The following PCSK5 variants were observed in gnomAD, a reference collection of about 807,000 sequenced individuals.
The protein encoded by PCSK5 is proprotein convertase subtilisin/kexin type 5, also known as prohormone convertase 5.
Under a neutral mutation model 233.2 loss-of-function variants are expected in PCSK5, and 129 were observed. That is an observed-to-expected ratio of 0.55 (90% CI 0.48 to 0.64). The LOEUF (loss-of-function observed/expected upper bound fraction) is 0.64. Among genes scored for constraint, PCSK5 ranks in the 30% least tolerant of loss-of-function variants. The probability of loss-of-function intolerance (pLI) is 0.00; values close to 1 mark genes in which losing one functional copy is unlikely to be tolerated. For missense variants in PCSK5, 2,076 were observed against 2,430.1 expected, an observed-to-expected ratio of 0.85 and a Z score of 3.06; for synonymous variants, 825 against 879.2, an observed-to-expected ratio of 0.94 and a Z score of 1.09.
chr9:75,911,154 A>C (rs913566380), intron 1 of PCSK5, among the ~76,000 whole-genome samples: 3 of 151,720 alleles, frequency 2.0e-5, no homozygotes, highest in Admixed American at 2.0e-4. Context: ...GCATCATGAA[A>C]CAAGAACTAT....
At chr9:75,969,374 A>C (rs1825724985) in intron 2 of PCSK5, among the ~76,000 whole-genome samples, 1 of 152,116 alleles carries the variant, frequency 6.6e-6, no homozygotes, top group African/African-American at 2.4e-5. Context: ...GAGAGTAGAG[A>C]GGAGGGGGCC....
intron 2 of PCSK5, among the ~76,000 whole-genome samples, chr9:75,963,351 T>G (rs1018552265): frequency 1.3e-5 from 2 of 152,228 alleles, no homozygotes; most frequent in Admixed American, 6.5e-5. Flanking sequence ...TAACAATTTA[T>G]GGTGAAAATC....
Position 76,359,026 on chromosome 9 carries a change from T to A in PCSK5, c.*104T>A. ...CACCAGGCTGATGTGTGAGTTTTTC[T>A]ATTTGTCTTCTTTAACCATGAGTCC... On this transcript the variant is annotated 3_prime_UTR_variant, in exon 38 of 38. Coordinates refer to ENST00000674117, the MANE Select transcript of PCSK5 (RefSeq NM_001372043.1). 1 of 893,048 alleles carries A rather than the reference T, an allele frequency of 1.1e-6. No individual in the cohort carries two copies. Among genetic ancestry groups the A allele is most frequent in the South Asian group, 1.6e-5 (1 of 61,342 alleles). The allele number at this position is 893,048 out of a possible 1,614,324, so 55.3% of individuals were successfully genotyped here.
At chr9:76,313,137 C>G (rs1350348696) in intron 30 of PCSK5, among the ~76,000 whole-genome samples, 1 of 152,142 alleles carries the variant, frequency 6.6e-6, no homozygotes, top group Non-Finnish European at 1.5e-5. Flanking sequence ...AAAAGAATAG[C>G]AGGCTCAATT....
chr9:76,203,337 C>T (rs1033837713), intron 20 of PCSK5, among the ~76,000 whole-genome samples: 3 of 152,046 alleles, frequency 2.0e-5, no homozygotes, highest in Non-Finnish European at 2.9e-5. Flanking sequence ...CTTGCATTCT[C>T]ATTCCCTGGG....
At chr9:76,152,161 T>G (rs1254270203) in intron 10 of PCSK5, among the ~76,000 whole-genome samples, 1 of 152,224 alleles carries the variant, frequency 6.6e-6, no homozygotes, top group East Asian at 1.9e-4. Flanking sequence ...GAGAGTACTC[T>G]CTCTCTCTCC....
At chr9:76,035,620 A>T (rs1419536044) in intron 5 of PCSK5, among the ~76,000 whole-genome samples, 2 of 123,424 alleles carry the variant, frequency 1.6e-5, no homozygotes, top group East Asian at 4.7e-4. Context: ...TAAGAAACAG[A>T]CTCACAAATT....
At chr9:76,170,159 G>A (rs941130744) in intron 13 of PCSK5, among the ~76,000 whole-genome samples, 8 of 152,066 alleles carry the variant, frequency 5.3e-5, no homozygotes, top group African/African-American at 1.7e-4. Context: ...CCTGTCCACC[G>A]GCACTGAGTT....
chr9:75,940,686 C>T (rs2131300285), intron 2 of PCSK5, among the ~76,000 whole-genome samples: 1 of 152,312 alleles, frequency 6.6e-6, no homozygotes, highest in East Asian at 1.9e-4. Flanking sequence ...AGGAGCACTT[C>T]CCTGTACATA....
chr9:76,289,870 C>T (rs1055182877), intron 24 of PCSK5, among the ~76,000 whole-genome samples: 1 of 152,154 alleles, frequency 6.6e-6, no homozygotes, highest in Admixed American at 6.5e-5. Context: ...TGTAAAGGTA[C>T]CAAATTCACT....
chr9:76,104,406 G>A (rs1008420109), intron 8 of PCSK5, among the ~76,000 whole-genome samples: 2 of 152,036 alleles, frequency 1.3e-5, no homozygotes, highest in African/African-American at 4.8e-5. Flanking sequence ...CACCAGTCAA[G>A]TTTCATTTAA....
At chr9:75,904,562 A>G (rs1826181119) in intron 1 of PCSK5, among the ~76,000 whole-genome samples, 1 of 152,242 alleles carries the variant, frequency 6.6e-6, no homozygotes, top group South Asian at 2.1e-4. Context: ...GTCACCAGGG[A>G]AATGTAAGTC....
At chr9:76,282,767 C>T (rs1469100034) in intron 24 of PCSK5, among the ~76,000 whole-genome samples, 1 of 152,144 alleles carries the variant, frequency 6.6e-6, no homozygotes, top group Non-Finnish European at 1.5e-5. Context: ...AGTTTTTCAG[C>T]CATTGCCCAT....
intron 36 of PCSK5, among the ~76,000 whole-genome samples, chr9:76,351,472 GAAAGA>G (rs1389903401): frequency 3.3e-5 from 2 of 61,064 alleles, no homozygotes; most frequent in African/African-American, 1.1e-4. Flanking sequence ...AAGAAAGAAA[GAAAGA>G]AAGAAAGAAA....
intron 3 of PCSK5, among the ~76,000 whole-genome samples, chr9:76,016,127 C>A: frequency 6.6e-6 from 1 of 152,212 alleles, no homozygotes; most frequent in East Asian, 1.9e-4. Context: ...TTCCATGTTC[C>A]CACAGTATCC....
rs146323968 is a variant in PCSK5 at position 76,098,032 on chromosome 9, A to G, written c.1107+1930A>G. ...GCTCCATCTGCCTTTCCCGCAGTCC[A>G]TAGGGGATAGAACTGTACCTCCTTT... On this transcript the variant is annotated intron_variant, in intron 8 of 37. Transcript: ENST00000674117. Among the ~76,000 whole-genome samples the G allele has an allele frequency of 7.9e-5, 12 of 152,346 alleles. No individual in the cohort carries two copies. In the East Asian group the frequency reaches 1.9e-3, roughly 24 times the overall value.
At chr9:75,907,284 G>T (rs1826301727) in intron 1 of PCSK5, among the ~76,000 whole-genome samples, 1 of 151,720 alleles carries the variant, frequency 6.6e-6, no homozygotes, top group African/African-American at 2.4e-5. Flanking sequence ...AATATTGGTT[G>T]AATTCTAAAG....
chr9:76,139,964 A>T (rs954306567), intron 10 of PCSK5, among the ~76,000 whole-genome samples: 3 of 152,076 alleles, frequency 2.0e-5, no homozygotes, highest in African/African-American at 7.2e-5. Flanking sequence ...CAAAATGCCC[A>T]CTTGTCTCAT....
At position 76,272,732 on chromosome 9, in the gene PCSK5, G is replaced by A. The variant is rs1188795391; in HGVS notation, c.3143-19501G>A. Among the ~76,000 whole-genome samples the A allele has an allele frequency of 5.1e-5, 6 of 118,192 alleles. No individual in the cohort carries two copies. The Admixed American group carries it at 6.1e-4, about 12-fold the overall frequency. 77.5% of individuals were successfully genotyped at this position (118,192 alleles called of 152,430 possible). On this transcript the variant is annotated intron_variant, in intron 24 of 37. Transcript: ENST00000674117. ...AGAGATTGCAGTGAGCCGAGATCAC[G>A]CCACTGCACTCCAGCCTGGTGACAG...
Sources: allele counts gnomAD v4.1 joint callset (sites outside exome capture counted in the v4.1 genomes callset), GRCh38; gene constraint gnomAD v4.1.1; transcripts MANE v1.5; gene names NCBI Gene and HGNC (gene_info 2026-07-23, HGNC 2026-07-21).